PTPRM: variants seen among roughly 807,000 people sequenced by gnomAD.
PTPRM encodes the protein receptor-type tyrosine-protein phosphatase mu.
Under a neutral mutation model 186.7 loss-of-function variants are expected in PTPRM, and 47 were observed. The ratio of observed to expected loss-of-function variants is 0.25; its 90% CI spans 0.20 to 0.32. The LOEUF is 0.32. Among genes scored for constraint, PTPRM ranks in the 10% least tolerant of loss-of-function variants. The probability of loss-of-function intolerance (pLI) is 1.00; values close to 1 mark genes in which losing one functional copy is unlikely to be tolerated. For missense variants in PTPRM, 1,494 were observed against 1,865.0 expected (o/e 0.80, Z 3.66); for synonymous variants, 668 against 674.9 (o/e 0.99, Z 0.16).
At chr18:7,699,654 C>G (rs1276541900) in intron 1 of PTPRM, among the ~76,000 whole-genome samples, 2 of 151,794 alleles carry the variant, frequency 1.3e-5, no homozygotes, top group African/African-American at 4.8e-5. Context: ...AGGTGATCTG[C>G]CTGCTGGGAT....
intron 8 of PTPRM, among the ~76,000 whole-genome samples, chr18:8,070,830 T>A (rs1283094797): frequency 6.6e-6 from 1 of 152,342 alleles, no homozygotes; most frequent in South Asian, 2.1e-4. Flanking sequence ...ATTAAACGAA[T>A]GAACTGACTA....
Position 8,205,938 on chromosome 18 carries a change from T to C in PTPRM, c.2301-38120T>C, listed in dbSNP as rs544745026. Among the ~76,000 whole-genome samples the C allele has an allele frequency of 1.3e-3, 199 of 152,290 alleles. 1 individual carries two copies. Among genetic ancestry groups the C allele is most frequent in the African/African-American group, 4.6e-3 (192 of 41,556 alleles). Reference sequence around the variant, plus strand: ...GAGTGCCCGGTGATTAGGATCACTGTTCTTTGGTGGCAGCGTGTGAGGTCT... The same window carrying C: ...GAGTGCCCGGTGATTAGGATCACTGCTCTTTGGTGGCAGCGTGTGAGGTCT... On this transcript the variant is annotated intron_variant, in intron 14 of 32. Coordinates refer to ENST00000580170, the MANE Select transcript of PTPRM (RefSeq NM_001105244.2).
At chr18:7,687,731 A>G (rs2039635953) in intron 1 of PTPRM, among the ~76,000 whole-genome samples, 1 of 152,022 alleles carries the variant, frequency 6.6e-6, no homozygotes, top group Admixed American at 6.6e-5. Flanking sequence ...ACTTTTTACT[A>G]CATGTACCTT....
intron 2 of PTPRM, among the ~76,000 whole-genome samples, chr18:7,778,589 C>G (rs2042703661): frequency 6.6e-6 from 1 of 152,140 alleles, no homozygotes; most frequent in African/African-American, 2.4e-5. Flanking sequence ...AAGCGATTCT[C>G]CTGCCTCAGC....
intron 3 of PTPRM, 71 bp downstream of exon 3, chr18:7,888,448 T>C (rs1386939555): frequency 2.1e-6 from 3 of 1,441,888 alleles, no homozygotes; most frequent in South Asian, 3.0e-5. Context: ...TATTGTTATA[T>C]CATTATAATC....
At position 7,924,308 on chromosome 18, in the gene PTPRM, G is replaced by A. The variant is rs138948895; in HGVS notation, c.548-2260G>A. On this transcript the variant is annotated intron_variant, in intron 4 of 32. Coordinates refer to ENST00000580170, the MANE Select transcript of PTPRM (RefSeq NM_001105244.2). ...GAGTATGCTTAGAATTATTTCATTG[G>A]GGAATTTTTTTTAATGTTTCCAGTT... Among the ~76,000 whole-genome samples the A allele has an allele frequency of 2.0e-3, 304 of 152,162 alleles. 2 individuals are homozygous for A. Among genetic ancestry groups the A allele is most frequent in the Non-Finnish European group, 3.5e-3 (241 of 68,000 alleles).
intron 1 of PTPRM, among the ~76,000 whole-genome samples, chr18:7,716,045 ATAG>A (rs2040322357): frequency 6.6e-6 from 1 of 152,206 alleles, no homozygotes; most frequent in Non-Finnish European, 1.5e-5. Flanking sequence ...AATAGTCCAT[ATAG>A]TCAAGACAAT....
chr18:8,079,671 A>G (rs535915433), intron 9 of PTPRM, among the ~76,000 whole-genome samples: 2 of 152,268 alleles, frequency 1.3e-5, no homozygotes, highest in African/African-American at 2.4e-5. Flanking sequence ...ATCTAAACAC[A>G]AAAGTTTAGA....
intron 4 of PTPRM, among the ~76,000 whole-genome samples, chr18:7,921,547 A>G (rs551843913): frequency 4.6e-5 from 7 of 151,370 alleles, no homozygotes; most frequent in Non-Finnish European, 8.8e-5. Flanking sequence ...CGCCCATCTA[A>G]TTTTTTGTAT....
chr18:7,844,286 C>G (rs985228225), intron 2 of PTPRM, among the ~76,000 whole-genome samples: 1 of 152,184 alleles, frequency 6.6e-6, no homozygotes, highest in Non-Finnish European at 1.5e-5. Flanking sequence ...ATGTAAAATA[C>G]ACTCACTTCT....
At chr18:7,735,001 G>A (rs962894391) in intron 1 of PTPRM, among the ~76,000 whole-genome samples, 3 of 152,128 alleles carry the variant, frequency 2.0e-5, no homozygotes, top group Admixed American at 6.5e-5. Flanking sequence ...CCTTATGGCC[G>A]AGGGGATTCC....
intron 1 of PTPRM, among the ~76,000 whole-genome samples, chr18:7,589,807 T>G (rs898142360): frequency 1.3e-5 from 2 of 152,152 alleles, no homozygotes; most frequent in African/African-American, 4.8e-5. Context: ...GCAAAACCAT[T>G]AGTTTCCCAT....
intron 2 of PTPRM, among the ~76,000 whole-genome samples, chr18:7,881,609 C>T (rs76407663): frequency 0.023 from 3,499 of 152,278 alleles, 141 homozygotes; most frequent in African/African-American, 0.078. Context: ...ACCCTGCTCT[C>T]TCTTTCTTCA....
At chr18:7,916,011 A>G (rs1179894133) in intron 4 of PTPRM, among the ~76,000 whole-genome samples, 1 of 152,206 alleles carries the variant, frequency 6.6e-6, no homozygotes, top group Non-Finnish European at 1.5e-5. Flanking sequence ...ACAGAAAAAC[A>G]AAAACTACAC....
intron 7 of PTPRM, among the ~76,000 whole-genome samples, chr18:8,045,737 G>C (rs2087002073): frequency 6.6e-6 from 1 of 152,182 alleles, no homozygotes; most frequent in African/African-American, 2.4e-5. Flanking sequence ...TCCAAACATA[G>C]ATTGTGGTGA....
chr18:7,908,230 A>C (rs2050094045), intron 4 of PTPRM, among the ~76,000 whole-genome samples: 1 of 152,182 alleles, frequency 6.6e-6, no homozygotes. Flanking sequence ...ATCTTTGTTC[A>C]AAATTGATAT....
intron 22 of PTPRM, 105 bp downstream of exon 22, chr18:8,319,319 C>A (rs996632322): frequency 3.4e-5 from 26 of 765,184 alleles, no homozygotes; most frequent in Non-Finnish European, 4.9e-5. Flanking sequence ...ACATTTATTG[C>A]GGTTCTAGCC....
chr18:7,937,583 G>A (rs2051900967), intron 5 of PTPRM, among the ~76,000 whole-genome samples: 1 of 152,226 alleles, frequency 6.6e-6, no homozygotes, highest in Non-Finnish European at 1.5e-5. Context: ...CTGGGCCCGA[G>A]CAAAACTCAG....
chr18:7,983,480 T>C (rs1196094807), intron 7 of PTPRM, among the ~76,000 whole-genome samples: 1 of 152,160 alleles, frequency 6.6e-6, no homozygotes, highest in Non-Finnish European at 1.5e-5. Context: ...GCCCTGCCCC[T>C]GTCCTGCCAT....
Sources: gnomAD v4.1 joint callset for allele counts (sites outside exome capture counted in the v4.1 genomes callset) on GRCh38, gnomAD v4.1.1 for gene constraint, MANE v1.5 for transcripts, NCBI Gene and HGNC (gene_info 2026-07-23, HGNC 2026-07-21) for gene names.